Variants in CMTM8 observed in about 807,000 individuals in gnomAD.
CMTM8 encodes CKLF-like MARVEL transmembrane domain-containing protein 8.
CMTM8 carries 12 observed loss-of-function variants against 18.6 expected under a neutral mutation model. That is an observed-to-expected ratio of 0.65 (90% CI 0.41 to 1.05). The LOEUF is 1.05. Among genes scored for constraint, CMTM8 ranks in the 50% least tolerant of loss-of-function variants. The pLI is 0.00. For missense variants in CMTM8, 217 were observed against 227.2 expected (o/e 0.95, Z 0.29); for synonymous variants, 87 against 90.6 (o/e 0.96, Z 0.23).
chr3:32,288,053 A>C (rs1476938341), intron 1 of CMTM8, among the ~76,000 whole-genome samples: 1 of 152,248 alleles, frequency 6.6e-6, no homozygotes, highest in African/African-American at 2.4e-5. Context: ...CATAAAACTA[A>C]AGTTCTGGAA....
At chr3:32,342,461 C>T (rs1696517623) in intron 1 of CMTM8, among the ~76,000 whole-genome samples, 1 of 152,162 alleles carries the variant, frequency 6.6e-6, no homozygotes, top group Admixed American at 6.5e-5. Flanking sequence ...CTCTTCCTAC[C>T]AGGCCAGATG....
chr3:32,325,836 T>A (rs2125580457), intron 1 of CMTM8, among the ~76,000 whole-genome samples: 1 of 152,336 alleles, frequency 6.6e-6, no homozygotes, highest in African/African-American at 2.4e-5. Flanking sequence ...CTTCTCATCA[T>A]TCATTAGTCA....
chr3:32,239,024 T>C lies in CMTM8; in HGVS notation c.52T>C (p.Ser18Pro). The C allele has an allele frequency of 6.4e-7, 1 of 1,573,148 alleles. No homozygotes were observed. Among genetic ancestry groups the C allele is most frequent in the Non-Finnish European group, 8.6e-7 (1 of 1,160,054 alleles). ...GCACACAGTCACCACCACCGCCAGC[T>C]CCTTCGCAGAGAACTTCTCCACCAG... The part of the protein sequence containing the change: ...RSHTVTTTAS[S>P]FAENFSTSSS... Residue 18 changes from serine (S) to proline (P), a missense_variant, in exon 1 of 4, where the codon TCC becomes CCC. By Grantham distance (74) the Ser-to-Pro change is moderately conservative. Transcript: ENST00000307526.
At chr3:32,361,357 A>G (rs1233316675) in intron 2 of CMTM8, among the ~76,000 whole-genome samples, 5 of 138,138 alleles carry the variant, frequency 3.6e-5, no homozygotes, top group African/African-American at 1.3e-4. Context: ...TGTGACATGT[A>G]CCCCTGAGTC....
intron 1 of CMTM8, among the ~76,000 whole-genome samples, chr3:32,267,025 C>A (rs1702356716): frequency 6.6e-6 from 1 of 152,050 alleles, no homozygotes; most frequent in African/African-American, 2.4e-5. Context: ...GCCATACTGC[C>A]CAAGGTAATT....
intron 1 of CMTM8, among the ~76,000 whole-genome samples, chr3:32,268,157 C>G (rs906272669): frequency 5.3e-5 from 8 of 152,132 alleles, no homozygotes; most frequent in Non-Finnish European, 1.2e-4. Context: ...ATGTTTATTG[C>G]AGCACTATTC....
At chr3:32,262,056 A>G (rs895380642) in intron 1 of CMTM8, among the ~76,000 whole-genome samples, 1 of 152,130 alleles carries the variant, frequency 6.6e-6, no homozygotes, top group Non-Finnish European at 1.5e-5. Flanking sequence ...ATACCATGGA[A>G]CTGGCCTGCC....
chr3:32,283,701 C>T lies in CMTM8; in HGVS notation c.147+44582C>T, dbSNP rs565720348. ...TGTTTTTTACATGCACACATACATC[C>T]CCTCCCCTCTGTCCCACCCTCCACA... On this transcript the variant is annotated intron_variant, in intron 1 of 3. Coordinates refer to ENST00000307526, the MANE Select transcript of CMTM8 (RefSeq NM_178868.5). Among the ~76,000 whole-genome samples the T allele has an allele frequency of 2.6e-5, 4 of 152,164 alleles. No homozygotes were observed. In the East Asian group the frequency reaches 7.7e-4, roughly 29 times the overall value.
chr3:32,360,757 C>T (rs761910172), intron 2 of CMTM8, among the ~76,000 whole-genome samples: 4 of 152,234 alleles, frequency 2.6e-5, no homozygotes, highest in Non-Finnish European at 4.4e-5. Flanking sequence ...CCTGGACCAG[C>T]AGCATCACTG....
chr3:32,298,775 G>A (rs1201402122), intron 1 of CMTM8, among the ~76,000 whole-genome samples: 4 of 148,188 alleles, frequency 2.7e-5, no homozygotes, highest in African/African-American at 7.4e-5. Context: ...TGGGACTAGG[G>A]GCATGCGCCA....
intron 1 of CMTM8, among the ~76,000 whole-genome samples, chr3:32,323,129 G>A (rs892011136): frequency 6.6e-6 from 1 of 152,180 alleles, no homozygotes; most frequent in African/African-American, 2.4e-5. Context: ...GCAAGACTAG[G>A]AGTGAGTCCT....
chr3:32,285,042 T>C (rs898806158), intron 1 of CMTM8, among the ~76,000 whole-genome samples: 4 of 152,176 alleles, frequency 2.6e-5, no homozygotes, highest in Non-Finnish European at 5.9e-5. Context: ...TCATATGACC[T>C]GGTTCAAGAG....
intron 1 of CMTM8, among the ~76,000 whole-genome samples, chr3:32,279,292 A>G (rs1702569897): frequency 1.4e-5 from 2 of 143,354 alleles, no homozygotes; most frequent in Non-Finnish European, 3.0e-5. Flanking sequence ...CGTGTCATCT[A>G]TCATTAGGTA....
At chr3:32,261,421 A>C (rs916263553) in intron 1 of CMTM8, among the ~76,000 whole-genome samples, 1 of 152,182 alleles carries the variant, frequency 6.6e-6, no homozygotes, top group South Asian at 2.1e-4. Flanking sequence ...TATAGTAGGA[A>C]AAACTCAAGT....
chr3:32,298,913 A>T (rs1427492803), intron 1 of CMTM8, among the ~76,000 whole-genome samples: 2 of 128,750 alleles, frequency 1.6e-5, no homozygotes, highest in South Asian at 2.4e-4. Flanking sequence ...ACACACACAC[A>T]TACACACACA....
intron 1 of CMTM8, among the ~76,000 whole-genome samples, chr3:32,314,639 C>G (rs1011354023): frequency 6.6e-6 from 1 of 152,054 alleles, no homozygotes; most frequent in Non-Finnish European, 1.5e-5. Context: ...GCCACCACAC[C>G]CAGCTGATTT....
intron 1 of CMTM8, among the ~76,000 whole-genome samples, chr3:32,261,440 T>C (rs1272835815): frequency 6.6e-6 from 1 of 152,176 alleles, no homozygotes; most frequent in Non-Finnish European, 1.5e-5. Flanking sequence ...GTTTTCAAAT[T>C]TGAGGTGAAA....
chr3:32,240,939 C>G (rs1701939231), intron 1 of CMTM8, among the ~76,000 whole-genome samples: 1 of 152,066 alleles, frequency 6.6e-6, no homozygotes, highest in Admixed American at 6.6e-5. Context: ...AGGCATGCAC[C>G]AACACACTTG....
rs559238186 is a variant in CMTM8 at position 32,349,257 on chromosome 3, T to G, written c.148-8116T>G. ...ATGCTCTGAGCATGTGGATGGGGCT[T>G]ATGAACCTTGAACTTCATTGAAGAT... On this transcript the variant is annotated intron_variant, in intron 1 of 3. Coordinates refer to ENST00000307526, the MANE Select transcript of CMTM8 (RefSeq NM_178868.5). 6.5e-4 allele frequency among the ~76,000 whole-genome samples: 99 copies of G among 152,260 alleles called. 1 individual carries two copies. The highest frequency in any genetic ancestry group is 5.4e-3 in the South Asian group (26 of 4,822).
Sources: allele counts gnomAD v4.1 joint callset (sites outside exome capture counted in the v4.1 genomes callset), GRCh38; gene constraint gnomAD v4.1.1; transcripts MANE v1.5; gene names NCBI Gene and HGNC (gene_info 2026-07-23, HGNC 2026-07-21).